Variants in COP1 observed in about 807,000 individuals in gnomAD.
COP1 encodes the protein E3 ubiquitin-protein ligase COP1.
A neutral mutation model predicts 101.3 loss-of-function variants in COP1; 24 were observed. The observed-to-expected ratio is 0.24, with a 90% CI of 0.17 to 0.33. The LOEUF is 0.33. Among genes scored for constraint, COP1 ranks in the 10% least tolerant of loss-of-function variants. COP1 has a pLI of 1.00. For synonymous variants in COP1, 347 were observed against 341.9 expected, an observed-to-expected ratio of 1.01 and a Z score of -0.17; for missense variants, 663 against 906.2, an observed-to-expected ratio of 0.73 and a Z score of 3.45.
intron 18 of COP1, among the ~76,000 whole-genome samples, chr1:175,966,204 G>A (rs1243957168): frequency 1.3e-5 from 2 of 151,898 alleles, no homozygotes; most frequent in Non-Finnish European, 2.9e-5. Flanking sequence ...AAACTAAAAT[G>A]TTAGTTAGCC....
At chr1:176,082,581 C>A (rs981735248) in intron 10 of COP1, among the ~76,000 whole-genome samples, 1 of 152,064 alleles carries the variant, frequency 6.6e-6, no homozygotes, top group South Asian at 2.1e-4. Flanking sequence ...CCGAGGCAGG[C>A]GGATCACCTG....
intron 18 of COP1, among the ~76,000 whole-genome samples, chr1:175,972,134 C>T (rs1653363203): frequency 6.6e-6 from 1 of 152,108 alleles, no homozygotes; most frequent in Non-Finnish European, 1.5e-5. Flanking sequence ...ACAACAACAA[C>T]AACAAATACA....
intron 10 of COP1, among the ~76,000 whole-genome samples, chr1:176,082,569 G>A (rs1042206673): frequency 6.6e-6 from 1 of 152,106 alleles, no homozygotes; most frequent in African/African-American, 2.4e-5. Context: ...TACTTTGGGA[G>A]GCCGAGGCAG....
At chr1:176,051,743 T>C (rs1016515418) in intron 11 of COP1, among the ~76,000 whole-genome samples, 1 of 152,150 alleles carries the variant, frequency 6.6e-6, no homozygotes. Context: ...CTGTTGACCG[T>C]GACCGTATGT....
At chr1:175,998,386 C>T (rs759433187) in intron 15 of COP1, among the ~76,000 whole-genome samples, 66 of 151,282 alleles carry the variant, frequency 4.4e-4, no homozygotes, top group Admixed American at 3.1e-3. Flanking sequence ...GGATGCAGCA[C>T]ACCAGCATGG....
At chr1:176,081,316 A>C in intron 10 of COP1, 29 bp from the exon 11 acceptor site, 1 of 1,546,150 alleles carries the variant, frequency 6.5e-7, no homozygotes, top group Middle Eastern at 1.7e-4. Context: ...AAAAAGACAA[A>C]ACAGATGAAT....
chr1:176,116,186 T>C (rs1686157416), intron 9 of COP1, among the ~76,000 whole-genome samples: 1 of 151,960 alleles, frequency 6.6e-6, no homozygotes, highest in Non-Finnish European at 1.5e-5. Flanking sequence ...GAGACCAGCC[T>C]GGACAACACG....
chr1:176,088,186 C>T (rs1163526786), intron 9 of COP1, among the ~76,000 whole-genome samples: 6 of 151,784 alleles, frequency 4.0e-5, no homozygotes, highest in South Asian at 4.2e-4. Flanking sequence ...CAAACCAACA[C>T]GGCACATGTA....
At position 175,988,381 on chromosome 1, in the gene COP1, C is replaced by T; in HGVS notation, c.1879G>A (p.Val627Ile). ...STDSQLKLWN[V>I]GKPYCLRSFK... ...GAACGTAGGCAGTATGGTTTCCCTA[C>T]ATTCCACAGTTTTAGCTGACTGTCT... Residue 627 changes from valine (V) to isoleucine (I), a missense_variant, in exon 17 of 20, where the codon GTA (valine) becomes ATA (isoleucine). Transcript: ENST00000367669. The T allele has an allele frequency of 6.2e-7, 1 of 1,609,632 alleles. No individual in the cohort carries two copies. Among genetic ancestry groups the T allele is most frequent in the Non-Finnish European group, 8.5e-7 (1 of 1,177,036 alleles).
intron 11 of COP1, among the ~76,000 whole-genome samples, chr1:176,069,107 C>A (rs1013228814): frequency 2.0e-5 from 3 of 151,858 alleles, no homozygotes; most frequent in Non-Finnish European, 4.4e-5. Flanking sequence ...ATCACTTGAG[C>A]CTAGGAGGTC....
At chr1:175,995,429 A>C (rs533542613) in intron 15 of COP1, among the ~76,000 whole-genome samples, 35 of 152,232 alleles carry the variant, frequency 2.3e-4, no homozygotes, top group African/African-American at 8.0e-4. Context: ...GACACAAAAA[A>C]CCCTTCAAAA....
intron 18 of COP1, chr1:175,982,377 A>G (rs901956980): frequency 2.2e-6 from 1 of 456,554 alleles, no homozygotes; most frequent in Admixed American, 2.3e-5. Context: ...CTTATATGCA[A>G]ATTTTCTTCC....
At chr1:175,983,270 G>T (rs1656297957) in intron 18 of COP1, among the ~76,000 whole-genome samples, 1 of 152,172 alleles carries the variant, frequency 6.6e-6, no homozygotes, top group Non-Finnish European at 1.5e-5. Context: ...GTTGTGGAAG[G>T]GACCCAGTGG....
At chr1:176,124,526 A>G (rs1687710626) in intron 8 of COP1, among the ~76,000 whole-genome samples, 1 of 145,960 alleles carries the variant, frequency 6.9e-6, no homozygotes, top group African/African-American at 2.5e-5. Flanking sequence ...TGTGTTGTTT[A>G]TCTTTCTGTT....
intron 14 of COP1, among the ~76,000 whole-genome samples, chr1:176,032,899 G>A (rs1238887953): frequency 6.6e-6 from 1 of 151,994 alleles, no homozygotes; most frequent in Non-Finnish European, 1.5e-5. Flanking sequence ...AAATTCAGGA[G>A]AGAATATACT....
Position 176,207,058 on chromosome 1 carries a change from G to A in COP1, c.-80C>T, listed in dbSNP as rs950973236. 4.2e-6 allele frequency: 5 copies of A among 1,198,990 alleles called. No individual in the cohort carries two copies. The African/African-American group carries it at 6.4e-5, about 15-fold the overall frequency. 74.3% of individuals were successfully genotyped at this position (1,198,990 alleles called of 1,614,324 possible). On this transcript the variant is annotated 5_prime_UTR_variant, in exon 1 of 20. Transcript: ENST00000367669. ...CCCTCCGCCGCCTCCCCTCCCCTCAGCCTCAGTGCATCCTGAGGACGCCCG... is the reference window on the plus strand; with the variant it reads ...CCCTCCGCCGCCTCCCCTCCCCTCAACCTCAGTGCATCCTGAGGACGCCCG...
intron 3 of COP1, 32 bp from the exon 4 acceptor site, chr1:176,163,923 T>A: frequency 6.9e-7 from 1 of 1,455,444 alleles, no homozygotes; most frequent in Non-Finnish European, 9.5e-7. Context: ...AAAGCACACA[T>A]AATTTGTATT....
intron 15 of COP1, among the ~76,000 whole-genome samples, chr1:176,004,696 T>G (rs934112988): frequency 2.0e-5 from 3 of 150,136 alleles, no homozygotes; most frequent in Admixed American, 6.6e-5. Flanking sequence ...ATCCCAGGGA[T>G]GAAGCCCACT....
rs112992766 is a variant in COP1 at position 176,175,672 on chromosome 1, G to A, written c.565+238C>T. 2.6e-3 allele frequency among the ~76,000 whole-genome samples: 395 copies of A among 152,004 alleles called. 3 individuals are homozygous for A. The highest frequency in any genetic ancestry group is 9.1e-3 in the African/African-American group (377 of 41,422). On this transcript the variant is annotated intron_variant, in intron 3 of 19. Transcript: ENST00000367669. ...GACTGGTACCAGTCCATGGCCCAGG[G>A]GTCCCTGATATACACAATAATCTAA...
Sources: gnomAD v4.1 joint callset for allele counts (sites outside exome capture counted in the v4.1 genomes callset) on GRCh38, gnomAD v4.1.1 for gene constraint, MANE v1.5 for transcripts, NCBI Gene and HGNC (gene_info 2026-07-23, HGNC 2026-07-21) for gene names.